Variants in PCDHA5 observed in about 807,000 individuals in gnomAD.
PCDHA5 encodes the protein protocadherin alpha-5.
Under a neutral mutation model 61.6 loss-of-function variants are expected in PCDHA5, and 43 were observed. The ratio of observed to expected loss-of-function variants is 0.70; its 90% CI spans 0.55 to 0.90. PCDHA5 has a LOEUF of 0.90. Ranked by LOEUF, PCDHA5 falls within the 40% of genes least tolerant of loss-of-function variation. The pLI, the probability that PCDHA5 is intolerant of heterozygous loss-of-function variation, is 0.00. For missense variants in PCDHA5, 1,298 were observed against 1,222.7 expected, an observed-to-expected ratio of 1.06 and a Z score of -0.92; for synonymous variants, 627 against 543.9, an observed-to-expected ratio of 1.15 and a Z score of -2.13.
Position 140,858,656 on chromosome 5 carries a change from T to A in PCDHA5, c.2352+34529T>A, listed in dbSNP as rs1562540116. 9 of 783,778 alleles carry A rather than the reference T, an allele frequency of 1.1e-5. 2 individuals are homozygous for A. The highest frequency in any genetic ancestry group is 1.6e-5 in the Non-Finnish European group (8 of 509,472). 48.6% of individuals were successfully genotyped at this position (783,778 alleles called of 1,614,324 possible). A position where few individuals can be genotyped will look rare whatever the true frequency, so the allele number is the denominator to read the frequency against. On this transcript the variant is annotated intron_variant, in intron 1 of 3. Transcript: ENST00000529859. ...CCTTTGATTGGTACTTAAATTTTTTTAAATAACAATTTATTCTGAATACAC... is the reference window on the plus strand; with the variant it reads ...CCTTTGATTGGTACTTAAATTTTTTAAAATAACAATTTATTCTGAATACAC...
chr5:140,973,590 A>G (rs562109843), intron 1 of PCDHA5, among the ~76,000 whole-genome samples: 3 of 152,340 alleles, frequency 2.0e-5, no homozygotes, highest in Non-Finnish European at 4.4e-5. Context: ...GCTGAGCCAG[A>G]TGGAATTATG....
chr5:140,845,497 T>C (rs1779898146), intron 1 of PCDHA5, among the ~76,000 whole-genome samples: 1 of 149,728 alleles, frequency 6.7e-6, no homozygotes, highest in African/African-American at 2.4e-5. Context: ...AGTGAGAAAG[T>C]CTAAACCTAT....
At chr5:140,964,482 G>A (rs1554227054) in intron 1 of PCDHA5, among the ~76,000 whole-genome samples, 1 of 152,144 alleles carries the variant, frequency 6.6e-6, no homozygotes, top group African/African-American at 2.4e-5. Flanking sequence ...TTTTTTCACA[G>A]TCACAGGTCT....
At chr5:141,002,474 C>T (rs141241701) in intron 3 of PCDHA5, among the ~76,000 whole-genome samples, 65 of 152,334 alleles carry the variant, frequency 4.3e-4, no homozygotes, top group African/African-American at 1.3e-3. Flanking sequence ...TTAGCATTTT[C>T]AAAGGATGAC....
intron 1 of PCDHA5, among the ~76,000 whole-genome samples, chr5:140,910,654 C>T (rs961570287): frequency 1.3e-5 from 2 of 152,218 alleles, no homozygotes; most frequent in African/African-American, 2.4e-5. Flanking sequence ...TTGATCCCTT[C>T]CTCTACATTA....
rs1554129157 is a variant in PCDHA5, at chr5:140,823,126, G to C, written c.1351G>C (p.Ala451Pro). 2.5e-6 allele frequency: 4 copies of C among 1,614,022 alleles called. No individual in the cohort carries two copies. The highest frequency in any genetic ancestry group is 3.4e-6 in the Non-Finnish European group (4 of 1,179,976). ...GGAAGTGGCCGACGTGAACGACAAC[G>C]CTCCGGCGTTCGCGCAGCCCCAGTA... ...SVEVADVNDN[A>P]PAFAQPQYTV... The change falls in exon 1 of 4, where the codon GCT becomes CCT. Residue 451 changes from alanine to proline, a missense_variant. Transcript: ENST00000529859.
chr5:140,984,138 G>A (rs1476039645), intron 3 of PCDHA5, among the ~76,000 whole-genome samples: 1 of 152,194 alleles, frequency 6.6e-6, no homozygotes, highest in East Asian at 1.9e-4. Flanking sequence ...GGATGTGGAG[G>A]CATCTGGGAA....
intron 1 of PCDHA5, chr5:140,877,223 C>G: frequency 6.2e-7 from 1 of 1,613,714 alleles, no homozygotes; most frequent in Non-Finnish European, 8.5e-7. Flanking sequence ...GTACCGCGGT[C>G]GGTGGGTGCG....
Position 140,849,328 on chromosome 5 carries a change from T to C in PCDHA5, c.2352+25201T>C, listed in dbSNP as rs2150435086. ...GACGAAGGCTTGAATGGGGATATTA[T>C]TTACTCCTTCTCCAGTGATGTTTCT... is the stretch of plus-strand genomic sequence containing the variant. On this transcript the variant is annotated intron_variant, in intron 1 of 3. Transcript: ENST00000529859. 1,235 of 1,370,890 alleles carry C rather than the reference T, an allele frequency of 9.0e-4. 32 individuals carry two copies. In the African/African-American group the frequency reaches 0.018, roughly 20 times the overall value. 84.9% of individuals were successfully genotyped at this position (1,370,890 alleles called of 1,614,324 possible). A position where few individuals can be genotyped will look rare whatever the true frequency, so the allele number is the denominator to read the frequency against.
intron 1 of PCDHA5, chr5:140,829,519 G>A (rs140453889): frequency 2.7e-5 from 43 of 1,613,306 alleles, no homozygotes; most frequent in Non-Finnish European, 3.6e-5. Flanking sequence ...ACATCTTCAC[G>A]GTGTCTGCGC....
rs574855184 is a variant in PCDHA5 at position 140,890,340 on chromosome 5, G to C, written c.2352+66213G>C. ...TTTAAGATATTAGGTAGTTGGGATG[G>C]TTTACTATATAGCAATGGATAACCT... On this transcript the variant is annotated intron_variant, in intron 1 of 3. Coordinates refer to ENST00000529859, the MANE Select transcript of PCDHA5 (RefSeq NM_018908.3). 9.1e-4 allele frequency among the ~76,000 whole-genome samples: 139 copies of C among 152,222 alleles called. 2 individuals are homozygous for C. The Middle Eastern group carries it at 0.017, about 19-fold the overall frequency.
At chr5:140,929,205 G>T in intron 1 of PCDHA5, 1 of 1,614,120 alleles carries the variant, frequency 6.2e-7, no homozygotes, top group Non-Finnish European at 8.5e-7. Flanking sequence ...GTTTGCTGTT[G>T]CGTGGGGAGT....
At chr5:140,825,682 A>G (rs1414447242) in intron 1 of PCDHA5, 3 of 152,198 alleles carry the variant, frequency 2.0e-5, no homozygotes, top group African/African-American at 7.2e-5. Flanking sequence ...TCGGCCTCCC[A>G]AAGTGCTGGG....
intron 1 of PCDHA5, among the ~76,000 whole-genome samples, chr5:140,943,778 G>A (rs1554215923): frequency 6.6e-6 from 1 of 152,242 alleles, no homozygotes; most frequent in African/African-American, 2.4e-5. Flanking sequence ...AAACTAGGAA[G>A]TGGTCCTTTA....
chr5:140,862,327 A>G (rs1317111352), intron 1 of PCDHA5: 1 of 326,932 alleles, frequency 3.1e-6, no homozygotes, highest in Non-Finnish European at 6.0e-6. Context: ...TAATCAGTGT[A>G]ATTGACCCTA....
At chr5:140,970,854 T>TG (rs1554232785) in intron 1 of PCDHA5, among the ~76,000 whole-genome samples, 1 of 152,148 alleles carries the variant, frequency 6.6e-6, no homozygotes, top group Non-Finnish European at 1.5e-5. Context: ...GCACAAAAGT[T>TG]CCATTCCTGA....
rs2150499672 is a variant in PCDHA5 at position 140,850,819 on chromosome 5, G to A, written c.2352+26692G>A. 1.0e-5 allele frequency: 16 copies of A among 1,598,272 alleles called. No individual in the cohort carries two copies. In the African/African-American group the frequency reaches 1.7e-4, roughly 17 times the overall value. On this transcript the variant is annotated intron_variant, in intron 1 of 3. Transcript: ENST00000529859. ...ACCGACCTCATGGCCTTCAGCCCGGGCCTTTCTCCTTGTGCTGGATCTACA... is the reference window on the plus strand; with the variant it reads ...ACCGACCTCATGGCCTTCAGCCCGGACCTTTCTCCTTGTGCTGGATCTACA...
intron 1 of PCDHA5, chr5:140,856,391 G>A (rs1554148627): frequency 6.3e-7 from 1 of 1,598,560 alleles, no homozygotes; most frequent in Non-Finnish European, 8.6e-7. Context: ...GCCGCTGCAG[G>A]TTTTCCATGT....
intron 1 of PCDHA5, among the ~76,000 whole-genome samples, chr5:140,833,650 C>T (rs1554133918): frequency 6.6e-6 from 1 of 152,108 alleles, no homozygotes; most frequent in African/African-American, 2.4e-5. Flanking sequence ...TCACATGATA[C>T]AAATTCTTCC....
Sources: allele counts gnomAD v4.1 joint callset (sites outside exome capture counted in the v4.1 genomes callset), GRCh38; gene constraint gnomAD v4.1.1; transcripts MANE v1.5; gene names NCBI Gene and HGNC (gene_info 2026-07-23, HGNC 2026-07-21).